The following MPPED2 variants were observed in gnomAD, a reference collection of about 807,000 sequenced individuals.
MPPED2 encodes metallophosphoesterase MPPED2.
MPPED2 carries 5 observed loss-of-function variants against 33.0 expected under a neutral mutation model. That is an observed-to-expected ratio of 0.15 (90% CI 0.08 to 0.32). MPPED2 has a LOEUF of 0.32. Ranked by LOEUF, MPPED2 falls within the 10% of genes least tolerant of loss-of-function variation. MPPED2 has a pLI of 1.00. For missense variants in MPPED2, 275 were observed against 372.1 expected (o/e 0.74, Z 2.15); for synonymous variants, 136 against 141.9 (o/e 0.96, Z 0.29).
chr11:30,583,415 A>C (rs1957288751), intron 1 of MPPED2, among the ~76,000 whole-genome samples: 1 of 152,076 alleles, frequency 6.6e-6, no homozygotes, highest in African/African-American at 2.4e-5. Flanking sequence ...TTTATACTTC[A>C]ACACACTTTC....
At chr11:30,492,793 A>G (rs1247978350) in intron 4 of MPPED2, among the ~76,000 whole-genome samples, 1 of 152,194 alleles carries the variant, frequency 6.6e-6, no homozygotes. Context: ...CCCCTCAGTC[A>G]TGCTGTACAC....
At chr11:30,567,332 C>T (rs1443282112) in intron 2 of MPPED2, among the ~76,000 whole-genome samples, 2 of 152,100 alleles carry the variant, frequency 1.3e-5, no homozygotes, top group East Asian at 3.9e-4. Context: ...TAGGGGCAGG[C>T]CTAGAATTTT....
chr11:30,466,775 AC>A (rs1180051158), intron 4 of MPPED2, among the ~76,000 whole-genome samples: 6 of 152,210 alleles, frequency 3.9e-5, no homozygotes, highest in African/African-American at 1.4e-4. Flanking sequence ...CCAAATACCT[AC>A]TGCATTTTTG....
intron 2 of MPPED2, among the ~76,000 whole-genome samples, chr11:30,572,401 G>A (rs1956738108): frequency 6.6e-6 from 1 of 152,098 alleles, no homozygotes; most frequent in Non-Finnish European, 1.5e-5. Context: ...GGTGCCCTCA[G>A]GGAGTGTATA....
chr11:30,400,195 C>T (rs1208589700), intron 6 of MPPED2, among the ~76,000 whole-genome samples: 5 of 152,156 alleles, frequency 3.3e-5, no homozygotes, highest in Non-Finnish European at 4.4e-5. Context: ...AATCAGCCTC[C>T]TGAGTAGCTA....
chr11:30,474,580 A>G (rs1012303321), intron 4 of MPPED2, among the ~76,000 whole-genome samples: 10 of 152,192 alleles, frequency 6.6e-5, no homozygotes, highest in Non-Finnish European at 1.5e-4. Flanking sequence ...TGATTGGTCC[A>G]AAGAAAAACA....
chr11:30,580,216 A>C, intron 2 of MPPED2, 30 bp downstream of exon 2: 5 of 1,595,142 alleles, frequency 3.1e-6, no homozygotes, highest in Non-Finnish European at 4.3e-6. Context: ...CTTGATTGCT[A>C]ATTTTGTTAA....
intron 4 of MPPED2, among the ~76,000 whole-genome samples, chr11:30,466,692 A>G (rs1950720407): frequency 6.6e-6 from 1 of 152,174 alleles, no homozygotes; most frequent in South Asian, 2.1e-4. Context: ...TAGACCAGAA[A>G]CTGGGCTGAT....
intron 4 of MPPED2, among the ~76,000 whole-genome samples, chr11:30,471,660 A>C (rs1950950133): frequency 6.6e-6 from 1 of 152,182 alleles, no homozygotes; most frequent in Non-Finnish European, 1.5e-5. Flanking sequence ...AGAGGCTAAT[A>C]AGGTTTTCTG....
chr11:30,510,232 T>G (rs1008863554), intron 3 of MPPED2, among the ~76,000 whole-genome samples: 3 of 152,174 alleles, frequency 2.0e-5, no homozygotes, highest in African/African-American at 7.2e-5. Context: ...AGCATCTATT[T>G]AGCCATCTTA....
At chr11:30,492,786 C>T (rs1039243680) in intron 4 of MPPED2, among the ~76,000 whole-genome samples, 4 of 152,214 alleles carry the variant, frequency 2.6e-5, no homozygotes, top group African/African-American at 9.6e-5. Flanking sequence ...CCTGCCACCC[C>T]TCAGTCATGC....
chr11:30,493,665 TA>T (rs397848205), intron 4 of MPPED2, among the ~76,000 whole-genome samples: 1,505 of 97,980 alleles, frequency 0.015, 24 homozygotes, highest in African/African-American at 0.044. Context: ...ATTTTAAAGA[TA>T]AAAAAAAAAA....
chr11:30,388,152 A>G (rs761250832), exon 7 of MPPED2: 2 of 152,336 alleles, frequency 1.3e-5, no homozygotes, highest in Non-Finnish European at 2.9e-5. Context: ...ATTAGAAGAT[A>G]AGCTTTGTGG....
At chr11:30,467,169 A>G (rs1950745134) in intron 4 of MPPED2, among the ~76,000 whole-genome samples, 1 of 151,990 alleles carries the variant, frequency 6.6e-6, no homozygotes, top group African/African-American at 2.4e-5. Flanking sequence ...TTTTGCTGTC[A>G]CTGAGGGCAC....
intron 4 of MPPED2, among the ~76,000 whole-genome samples, chr11:30,459,138 G>A (rs867188161): frequency 4.6e-5 from 7 of 151,114 alleles, no homozygotes; most frequent in Middle Eastern, 3.2e-3. Flanking sequence ...TTTTTTAGCC[G>A]GGATGGTCTC....
chr11:30,462,953 A>T (rs1950564774), intron 4 of MPPED2, among the ~76,000 whole-genome samples: 1 of 152,222 alleles, frequency 6.6e-6, no homozygotes, highest in African/African-American at 2.4e-5. Context: ...GGAAAACAGC[A>T]TTAACTATTG....
intron 4 of MPPED2, among the ~76,000 whole-genome samples, chr11:30,454,814 TA>T (rs995738325): frequency 2.0e-5 from 3 of 152,170 alleles, no homozygotes; most frequent in Non-Finnish European, 2.9e-5. Context: ...CCAAAGCACT[TA>T]AAAAAAATCA....
At chr11:30,480,929 G>T (rs748086301) in intron 4 of MPPED2, among the ~76,000 whole-genome samples, 1 of 151,978 alleles carries the variant, frequency 6.6e-6, no homozygotes, top group Admixed American at 6.6e-5. Flanking sequence ...TTTGTCCCTT[G>T]ATAATGAAGA....
chr11:30,530,235 A>G (rs1021924167), intron 3 of MPPED2, among the ~76,000 whole-genome samples: 1 of 152,242 alleles, frequency 6.6e-6, no homozygotes, highest in Non-Finnish European at 1.5e-5. Context: ...AGAAAAAGGA[A>G]GGGGAGGGAA....
Sources: allele counts gnomAD v4.1 joint callset (sites outside exome capture counted in the v4.1 genomes callset), GRCh38; gene constraint gnomAD v4.1.1; transcripts MANE v1.5; gene names NCBI Gene and HGNC (gene_info 2026-07-23, HGNC 2026-07-21).